Variants in VWDE observed in about 807,000 individuals in gnomAD.
VWDE encodes the protein von Willebrand factor D and EGF domain-containing protein.
Under a neutral mutation model 178.4 loss-of-function variants are expected in VWDE, and 207 were observed. The observed-to-expected ratio is 1.16, with a 90% CI of 1.04 to 1.30. VWDE has a LOEUF of 1.30. VWDE is among the 50% of genes most tolerant of loss of function. The pLI, the probability that VWDE is intolerant of heterozygous loss-of-function variation, is 0.00. For missense variants in VWDE, 2,287 were observed against 1,901.3 expected, an observed-to-expected ratio of 1.20 and a Z score of -3.77; for synonymous variants, 738 against 651.4, an observed-to-expected ratio of 1.13 and a Z score of -2.02.
intron 19 of VWDE, among the ~76,000 whole-genome samples, chr7:12,350,416 G>A (rs570259215): frequency 2.6e-5 from 4 of 151,488 alleles, no homozygotes; most frequent in Middle Eastern, 3.4e-3. Context: ...CTGAAAAAGC[G>A]TTTGATAAAT....
chr7:12,331,393 A>T (rs3815534), intron 28 of VWDE, among the ~76,000 whole-genome samples, 196 bp from the exon 29 acceptor site: 101,529 of 152,050 alleles, frequency 0.67, 35,337 homozygotes, highest in African/African-American at 0.89. Flanking sequence ...TGTCATAACC[A>T]AATGGAGCTT....
chr7:12,338,267 G>C (rs7796249), intron 24 of VWDE, among the ~76,000 whole-genome samples: 101,537 of 151,540 alleles, frequency 0.67, 35,471 homozygotes, highest in African/African-American at 0.89. Context: ...TTAGGCTGAA[G>C]TTTTTTTTGG....
chr7:12,350,879 G>C (rs1158640015), intron 19 of VWDE, among the ~76,000 whole-genome samples: 1 of 152,064 alleles, frequency 6.6e-6, no homozygotes, highest in African/African-American at 2.4e-5. Context: ...ATTAAGACAA[G>C]AAAGTAAATA....
chr7:12,356,344 A>C lies in VWDE; in HGVS notation c.3526-14T>G. The C allele has an allele frequency of 6.5e-7, 1 of 1,543,244 alleles. No individual in the cohort carries two copies. The highest frequency in any genetic ancestry group is 8.8e-7 in the Non-Finnish European group (1 of 1,142,032). ...CTTCACAGTCACCTACAAAACAAAA[A>C]AAAAGGAAATGTCTTATTTTTCAAT... On this transcript the variant is annotated splice_polypyrimidine_tract_variant and intron_variant, in intron 17 of 28. Coordinates refer to ENST00000275358, the MANE Select transcript of VWDE (RefSeq NM_001135924.3).
At chr7:12,332,905 C>A (rs1231161723) in intron 28 of VWDE, among the ~76,000 whole-genome samples, 1 of 152,024 alleles carries the variant, frequency 6.6e-6, no homozygotes. Context: ...CATATAATGA[C>A]TTTTTAAATT....
chr7:12,379,169 A>G (rs1349100751), intron 6 of VWDE, among the ~76,000 whole-genome samples: 1 of 152,202 alleles, frequency 6.6e-6, no homozygotes, highest in Non-Finnish European at 1.5e-5. Flanking sequence ...ATGCATGATA[A>G]CTAAATATTA....
intron 13 of VWDE, among the ~76,000 whole-genome samples, chr7:12,361,872 T>C (rs1782599801): frequency 6.6e-6 from 1 of 151,906 alleles, no homozygotes; most frequent in South Asian, 2.1e-4. Flanking sequence ...TGCCCAGAAA[T>C]TCCTTCATTT....
chr7:12,335,145 T>A (rs1011811), intron 27 of VWDE, among the ~76,000 whole-genome samples: 101,753 of 152,058 alleles, frequency 0.67, 35,541 homozygotes, highest in African/African-American at 0.89. Flanking sequence ...TCATAATAAA[T>A]CTGTGTAATT....
intron 6 of VWDE, 53 bp downstream of exon 6, chr7:12,379,424 G>A (rs1023564576): frequency 9.6e-6 from 13 of 1,358,740 alleles, no homozygotes; most frequent in Non-Finnish European, 1.3e-5. Context: ...CACAGTTTGG[G>A]AAACATAGTT....
In VWDE at chr7:12,344,483, A is replaced by G; in HGVS notation, c.3887-14T>C. ...ATTTACAAATGGCTAAAAAAAAATC[A>G]AAGAAAAAAAGGTTGATTGCTAAAA... is the stretch of plus-strand genomic sequence containing the variant. On this transcript the variant is annotated splice_polypyrimidine_tract_variant and intron_variant, in intron 19 of 28. Transcript: ENST00000275358. 1 of 1,538,196 alleles carries G rather than the reference A, an allele frequency of 6.5e-7. No individual in the cohort carries two copies. Among genetic ancestry groups the G allele is most frequent in the Non-Finnish European group, 8.8e-7 (1 of 1,138,700 alleles).
chr7:12,375,342 T>C (rs1783466689), intron 7 of VWDE, 115 bp from the exon 8 acceptor site: 1 of 954,448 alleles, frequency 1.0e-6, no homozygotes, highest in Non-Finnish European at 1.5e-6. Flanking sequence ...AATTATTTTC[T>C]CTTTCTTAAA....
chr7:12,388,255 A>C (rs1476511510), intron 3 of VWDE, among the ~76,000 whole-genome samples: 1 of 152,174 alleles, frequency 6.6e-6, no homozygotes, highest in Non-Finnish European at 1.5e-5. Flanking sequence ...AGAGTACTAC[A>C]AAAGAGAAGT....
At chr7:12,357,586 C>T in intron 16 of VWDE, 71 bp from the exon 17 acceptor site, 1 of 1,481,884 alleles carries the variant, frequency 6.7e-7, no homozygotes, top group Non-Finnish European at 9.1e-7. Flanking sequence ...TGAGAGCTCC[C>T]ACAGAGATAT....
rs372980816 is a variant in VWDE at position 12,393,626 on chromosome 7, T to C, written c.211A>G (p.Arg71Gly). Residue 71 changes from arginine (R) to glycine (G), a missense_variant, in exon 2 of 29, where the codon AGA (arginine) becomes GGA (glycine). Arg to Gly is a moderately radical substitution (Grantham distance 125). Transcript: ENST00000275358. ...CATTTGGTTGGCATCTCGGCAGGTC[T>C]GTCAAGGATGAGAAATCTATACCAT... ...PGWYRFLILD[R>G]PAEMPTKCVE... 166 of 1,550,448 alleles carry C rather than the reference T, an allele frequency of 1.1e-4. No individual in the cohort carries two copies. The African/African-American group carries it at 2.0e-3, about 19-fold the overall frequency.
At chr7:12,384,262 C>G (rs941889131) in intron 3 of VWDE, among the ~76,000 whole-genome samples, 5 of 152,036 alleles carry the variant, frequency 3.3e-5, no homozygotes, top group Non-Finnish European at 7.4e-5. Context: ...AGGCTACCTA[C>G]TAAGTGATTC....
intron 10 of VWDE, 128 bp downstream of exon 10, chr7:12,372,849 T>C (rs1783280670): frequency 4.7e-6 from 4 of 853,412 alleles, no homozygotes; most frequent in Admixed American, 2.9e-5. Context: ...TCTAAGATGA[T>C]GGTTAATATA....
intron 6 of VWDE, 99 bp from the exon 7 acceptor site, chr7:12,378,019 AAAT>A (rs1417309443): frequency 1.1e-6 from 1 of 878,630 alleles, no homozygotes; most frequent in South Asian, 3.2e-5. Context: ...ATATTTTACT[AAAT>A]AATAACTTAA....
intron 1 of VWDE, among the ~76,000 whole-genome samples, chr7:12,403,413 G>T (rs1785004027): frequency 6.6e-6 from 1 of 152,212 alleles, no homozygotes; most frequent in Admixed American, 6.5e-5. Context: ...AGAACCAAGG[G>T]TCGTAGAGTA....
Position 12,373,067 on chromosome 7 carries a change from T to C in VWDE, c.1497A>G (p.Leu499=). 1 of 1,551,334 alleles carries C rather than the reference T, an allele frequency of 6.4e-7. No homozygotes were observed. Among genetic ancestry groups the C allele is most frequent in the Non-Finnish European group, 8.7e-7 (1 of 1,146,744 alleles). ...TGAACAAATATGGTTGTGATTCACGTAGCTGACCATTGCACATATCAAAAG... is the reference window on the plus strand; with the variant it reads ...TGAACAAATATGGTTGTGATTCACGCAGCTGACCATTGCACATATCAAAAG... ...IVTFDMCNGQ[L]RESQPYLFIK... is the part of the protein sequence containing the mutation. The change falls in exon 10 of 29, where the codon CTA becomes CTG. Residue 499 remains leucine (L), a synonymous_variant. Coordinates refer to ENST00000275358, the MANE Select transcript of VWDE (RefSeq NM_001135924.3).
Sources: gnomAD v4.1 joint callset for allele counts (sites outside exome capture counted in the v4.1 genomes callset) on GRCh38, gnomAD v4.1.1 for gene constraint, MANE v1.5 for transcripts, NCBI Gene and HGNC (gene_info 2026-07-23, HGNC 2026-07-21) for gene names.